Variants in NBN observed in about 807,000 individuals in gnomAD.
NBN encodes Nijmegen breakage syndrome 1 (nibrin).
NBN carries 88 observed loss-of-function variants against 90.8 expected under a neutral mutation model. The ratio of observed to expected loss-of-function variants is 0.97; its 90% CI spans 0.82 to 1.16. The LOEUF is 1.16. Among genes scored for constraint, NBN ranks in the 50% most tolerant of loss-of-function variants. The probability of loss-of-function intolerance (pLI) is 0.00; values close to 1 mark genes in which losing one functional copy is unlikely to be tolerated. For synonymous variants in NBN, 328 were observed against 295.1 expected (o/e 1.11, Z -1.14); for missense variants, 894 against 869.6 (o/e 1.03, Z -0.35).
intron 8 of NBN, 86 bp from the exon 9 acceptor site, chr8:89,958,940 C>G (rs1810865305): frequency 1.2e-5 from 19 of 1,525,458 alleles, no homozygotes; most frequent in Middle Eastern, 3.7e-4. Flanking sequence ...TAGACTATAC[C>G]ATGCTGAGGG....
At position 89,958,786 on chromosome 8, in the gene NBN, T is replaced by A. The variant is rs762376159; in HGVS notation, c.1063A>T (p.Ser355Cys). The A allele has an allele frequency of 6.2e-7, 1 of 1,614,130 alleles. No individual in the cohort carries two copies. Among genetic ancestry groups the A allele is most frequent in the Non-Finnish European group, 8.5e-7 (1 of 1,179,978 alleles). ...GVSVDEKLMPSAPVNTTTYVA... is the reference protein window; with the variant it reads ...GVSVDEKLMPCAPVNTTTYVA... ...TATGTTGTAGTGTTCACTGGGGCGC[T>A]TGGCATTAGTTTTTCATCAACTGAC... The change falls in exon 9 of 16, where the codon AGC becomes TGC. Residue 355 changes from serine to cysteine, a missense_variant. Physicochemically the swap from Ser to Cys is moderately radical, Grantham distance 112. Transcript: ENST00000265433.
At chr8:89,949,823 AG>A (rs1482736012) in intron 11 of NBN, among the ~76,000 whole-genome samples, 1 of 152,186 alleles carries the variant, frequency 6.6e-6, no homozygotes, top group Non-Finnish European at 1.5e-5. Context: ...GAAAGGATTA[AG>A]AAGTATTTTT....
chr8:89,960,428 C>A (rs1282652681), intron 8 of NBN, among the ~76,000 whole-genome samples: 1 of 152,012 alleles, frequency 6.6e-6, no homozygotes, highest in Non-Finnish European at 1.5e-5. Context: ...GGCAAGAGGA[C>A]TGCTTGAGGC....
intron 13 of NBN, among the ~76,000 whole-genome samples, chr8:89,943,751 T>C (rs1026397628): frequency 5.3e-5 from 8 of 152,120 alleles, no homozygotes; most frequent in Non-Finnish European, 1.2e-4. Context: ...CTTTCTAATA[T>C]TGATGAAAAT....
intron 11 of NBN, among the ~76,000 whole-genome samples, chr8:89,950,584 C>A (rs1161461351): frequency 6.6e-6 from 1 of 151,932 alleles, no homozygotes; most frequent in African/African-American, 2.4e-5. Flanking sequence ...CAAAAGCCTA[C>A]AACAACATAT....
intron 6 of NBN, 138 bp from the exon 7 acceptor site, chr8:89,970,695 T>C (rs1811475179): frequency 6.1e-6 from 5 of 819,200 alleles, no homozygotes; most frequent in South Asian, 1.6e-5. Context: ...CAGCTTCCAC[T>C]TTGAGAAAGT....
intron 5 of NBN, among the ~76,000 whole-genome samples, chr8:89,977,389 A>G (rs987792650): frequency 2.0e-5 from 3 of 152,112 alleles, no homozygotes; most frequent in Non-Finnish European, 4.4e-5. Context: ...GTCCCTGCAA[A>G]CGACATGAAC....
At chr8:89,965,120 A>C (rs1375180809) in intron 7 of NBN, among the ~76,000 whole-genome samples, 1 of 152,184 alleles carries the variant, frequency 6.6e-6, no homozygotes, top group Non-Finnish European at 1.5e-5. Flanking sequence ...TCTCAAAAAA[A>C]AAAAATTAAA....
In NBN at chr8:89,971,155, A is replaced by G. The variant is rs1175169449; in HGVS notation, c.702+18T>C. 6.2e-7 allele frequency: 1 copy of G among 1,606,404 alleles called. No homozygotes were observed. The highest frequency in any genetic ancestry group is 8.5e-7 in the Non-Finnish European group (1 of 1,174,198). ...TGTAATGTATTCTTTAGGAAAATTT[A>G]GCTTATAACATAATTACCTGTTTGG... On this transcript the variant is annotated intron_variant, in intron 6 of 15. Transcript: ENST00000265433.
chr8:89,964,364 ACAT>A, intron 8 of NBN, 43 bp downstream of exon 8: 1 of 1,602,842 alleles, frequency 6.2e-7, no homozygotes, highest in Non-Finnish European at 8.5e-7. Flanking sequence ...TTATCGATTT[ACAT>A]AATAAAGTTG....
rs13312937 is a variant in NBN, at chr8:89,948,143, T to G, written c.1846-251A>C. Among the ~76,000 whole-genome samples the G allele has an allele frequency of 0.028, 4,324 of 152,260 alleles. 184 individuals carry two copies. The highest frequency in any genetic ancestry group is 0.096 in the African/African-American group (3,998 of 41,534). On this transcript the variant is annotated intron_variant, in intron 11 of 15. Coordinates refer to ENST00000265433, the MANE Select transcript of NBN (RefSeq NM_002485.5). The stretch of plus-strand genomic sequence containing the variant: ...GAATTGGAAGCGATCTAAATCCATA[T>G]AAATCACATGCTTAGAGAATATTTA...
chr8:89,937,144 G>A (rs1809730228), intron 14 of NBN, 69 bp from the exon 15 acceptor site: 1 of 1,423,802 alleles, frequency 7.0e-7, no homozygotes, highest in Non-Finnish European at 9.9e-7. Flanking sequence ...TTGCTATAGT[G>A]ATAGGTCACT....
At chr8:89,941,755 CAT>C (rs1169605047) in intron 14 of NBN, among the ~76,000 whole-genome samples, 8 of 152,098 alleles carry the variant, frequency 5.3e-5, no homozygotes, top group African/African-American at 1.2e-4. Context: ...GTGGAATGCA[CAT>C]GTTACAAAAT....
At chr8:89,964,756 A>G (rs1327766851) in intron 7 of NBN, among the ~76,000 whole-genome samples, 1 of 152,188 alleles carries the variant, frequency 6.6e-6, no homozygotes, top group Non-Finnish European at 1.5e-5. Context: ...AGATCTTCCC[A>G]GTTCTAAAAT....
intron 7 of NBN, among the ~76,000 whole-genome samples, chr8:89,966,828 C>A (rs1811275644): frequency 6.6e-6 from 1 of 152,120 alleles, no homozygotes; most frequent in South Asian, 2.1e-4. Flanking sequence ...CAAAGAAAGG[C>A]AGACTGATGA....
chr8:89,938,476 GTGTA>G (rs776464137), intron 14 of NBN, among the ~76,000 whole-genome samples: 1 of 151,708 alleles, frequency 6.6e-6, no homozygotes, highest in Non-Finnish European at 1.5e-5. Flanking sequence ...ATGTGTGTGT[GTGTA>G]TATATATATA....
chr8:89,980,449 C>T (rs1450652618), intron 4 of NBN, among the ~76,000 whole-genome samples: 1 of 151,756 alleles, frequency 6.6e-6, no homozygotes, highest in Non-Finnish European at 1.5e-5. Context: ...AAAGTATGCA[C>T]TGTCATAACC....
chr8:89,958,691 TA>T, intron 9 of NBN, 33 bp downstream of exon 9: 1 of 1,601,542 alleles, frequency 6.2e-7, no homozygotes, highest in Non-Finnish European at 8.6e-7. Context: ...ATTGATAGAA[TA>T]ATAACAATAG....
intron 1 of NBN, among the ~76,000 whole-genome samples, chr8:89,983,836 T>C (rs1176996012): frequency 1.3e-5 from 2 of 152,022 alleles, no homozygotes; most frequent in Non-Finnish European, 2.9e-5. Flanking sequence ...GTCTTCACAG[T>C]ATAAAATTTA....
Sources: allele counts gnomAD v4.1 joint callset (sites outside exome capture counted in the v4.1 genomes callset), GRCh38; gene constraint gnomAD v4.1.1; transcripts MANE v1.5; gene names NCBI Gene and HGNC (gene_info 2026-07-23, HGNC 2026-07-21).